Variants in AUTS2 observed in about 807,000 individuals in gnomAD.
AUTS2 encodes activator of transcription and developmental regulator AUTS2.
AUTS2 carries 17 observed loss-of-function variants against 112.4 expected under a neutral mutation model. That is an observed-to-expected ratio of 0.15 (90% CI 0.10 to 0.23). AUTS2 has a LOEUF of 0.23. Ranked by LOEUF, AUTS2 falls within the 10% of genes least tolerant of loss-of-function variation. The pLI is 1.00. For missense variants in AUTS2, 1,510 were observed against 1,701.6 expected (o/e 0.89, Z 1.98); for synonymous variants, 751 against 702.7 (o/e 1.07, Z -1.09).
intron 4 of AUTS2, among the ~76,000 whole-genome samples, chr7:70,382,050 C>T (rs968100510): frequency 3.9e-5 from 6 of 152,132 alleles, no homozygotes. Context: ...ATTTCTGGAA[C>T]AAGTATTCTC....
At chr7:70,163,876 AGG>A (rs1401232710) in intron 4 of AUTS2, among the ~76,000 whole-genome samples, 4 of 152,200 alleles carry the variant, frequency 2.6e-5, no homozygotes, top group Non-Finnish European at 5.9e-5. Flanking sequence ...CCAGATGTGC[AGG>A]GCTAGGCTAA....
chr7:69,638,979 C>T (rs1459577949), intron 1 of AUTS2, among the ~76,000 whole-genome samples: 2 of 152,162 alleles, frequency 1.3e-5, no homozygotes, highest in East Asian at 3.8e-4. Flanking sequence ...ATAATGTCTG[C>T]AGTAAAAGTT....
chr7:69,929,747 G>A (rs1366851833), intron 2 of AUTS2, among the ~76,000 whole-genome samples: 1 of 152,098 alleles, frequency 6.6e-6, no homozygotes, highest in Non-Finnish European at 1.5e-5. Flanking sequence ...TTGAACTTTT[G>A]GAATACAGGT....
intron 2 of AUTS2, among the ~76,000 whole-genome samples, chr7:70,021,375 C>T (rs949775742): frequency 2.6e-5 from 4 of 152,134 alleles, no homozygotes; most frequent in Admixed American, 1.3e-4. Flanking sequence ...TGCCGGTAAT[C>T]CTGTTTTTAG....
intron 1 of AUTS2, among the ~76,000 whole-genome samples, chr7:69,720,327 G>C: frequency 6.6e-6 from 1 of 152,156 alleles, no homozygotes; most frequent in East Asian, 1.9e-4. Context: ...CTTTCAAATT[G>C]GTGGTGGTTA....
At chr7:70,130,794 C>T (rs888915958) in intron 3 of AUTS2, among the ~76,000 whole-genome samples, 1 of 152,090 alleles carries the variant, frequency 6.6e-6, no homozygotes, top group Non-Finnish European at 1.5e-5. Flanking sequence ...TTCCTCATAT[C>T]CCTGTGTTCT....
chr7:70,132,686 T>C (rs1562725163), intron 3 of AUTS2, among the ~76,000 whole-genome samples: 1 of 152,146 alleles, frequency 6.6e-6, no homozygotes, highest in Non-Finnish European at 1.5e-5. Flanking sequence ...GTACAATATA[T>C]ATGCAAAACG....
chr7:69,908,810 G>A (rs572714389), intron 2 of AUTS2, among the ~76,000 whole-genome samples: 3 of 152,232 alleles, frequency 2.0e-5, no homozygotes, highest in Non-Finnish European at 2.9e-5. Flanking sequence ...GCTATAATTA[G>A]ATGGAGAAGC....
intron 5 of AUTS2, among the ~76,000 whole-genome samples, chr7:70,471,542 A>C (rs574867791): frequency 6.6e-6 from 1 of 152,282 alleles, no homozygotes; most frequent in South Asian, 2.1e-4. Flanking sequence ...TTTTTAACAA[A>C]TATTTTTTGT....
intron 4 of AUTS2, among the ~76,000 whole-genome samples, chr7:70,171,143 A>G (rs955152967): frequency 5.9e-5 from 9 of 152,194 alleles, no homozygotes; most frequent in African/African-American, 2.2e-4. Flanking sequence ...CTTAAAACAG[A>G]TAACTGAGCC....
At chr7:70,138,524 A>T (rs527240831) in intron 4 of AUTS2, among the ~76,000 whole-genome samples, 187 of 152,176 alleles carry the variant, frequency 1.2e-3, no homozygotes, top group Non-Finnish European at 2.2e-3. Context: ...CCAGGTTTGA[A>T]TCTAACTGTC....
intron 4 of AUTS2, among the ~76,000 whole-genome samples, chr7:70,225,194 C>T (rs1374118513): frequency 6.6e-6 from 1 of 152,196 alleles, no homozygotes; most frequent in African/African-American, 2.4e-5. Flanking sequence ...AGTTAAATCA[C>T]TGTCCCTTTT....
At chr7:69,911,040 A>G (rs796348537) in intron 2 of AUTS2, among the ~76,000 whole-genome samples, 6 of 152,314 alleles carry the variant, frequency 3.9e-5, no homozygotes, top group African/African-American at 7.2e-5. Context: ...TTCCCATGAC[A>G]TGTGGGAATT....
intron 4 of AUTS2, among the ~76,000 whole-genome samples, chr7:70,432,821 A>G (rs1795731622): frequency 6.6e-6 from 1 of 152,188 alleles, no homozygotes; most frequent in African/African-American, 2.4e-5. Context: ...GCTCCTGCTG[A>G]GCTCACGGCA....
chr7:70,586,563 C>T (rs186867193), intron 5 of AUTS2, among the ~76,000 whole-genome samples: 1 of 152,274 alleles, frequency 6.6e-6, no homozygotes, highest in Admixed American at 6.5e-5. Context: ...ATGACTGAAG[C>T]GTTGCATTGT....
rs187890973 is a variant in AUTS2, at chr7:70,280,221, G to T, written c.660+145650G>T. On this transcript the variant is annotated intron_variant, in intron 4 of 18. Transcript: ENST00000342771. ...GCCCACTCCTCTACTCTCTTCATGA[G>T]CCAGAGTGTTCACTGCTTTAGGAAT... Among the ~76,000 whole-genome samples, 3 of 151,898 alleles carry T rather than the reference G, an allele frequency of 2.0e-5. No homozygotes were observed. The East Asian group carries it at 5.8e-4, about 29-fold the overall frequency.
intron 1 of AUTS2, among the ~76,000 whole-genome samples, chr7:69,708,870 A>G (rs1275303407): frequency 2.0e-5 from 3 of 152,220 alleles, no homozygotes; most frequent in African/African-American, 7.2e-5. Context: ...AACCAGTCCT[A>G]CATTGAGTTT....
At chr7:70,191,936 G>A (rs927785542) in intron 4 of AUTS2, among the ~76,000 whole-genome samples, 5 of 151,800 alleles carry the variant, frequency 3.3e-5, no homozygotes, top group African/African-American at 7.3e-5. Flanking sequence ...GCGTGGTGGT[G>A]GGTGCCTATA....
At chr7:69,711,404 T>A (rs1798320140) in intron 1 of AUTS2, among the ~76,000 whole-genome samples, 1 of 152,162 alleles carries the variant, frequency 6.6e-6, no homozygotes, top group Non-Finnish European at 1.5e-5. Flanking sequence ...TTAAATTTCC[T>A]TTTTTCCAGA....
Sources: allele counts gnomAD v4.1 joint callset (sites outside exome capture counted in the v4.1 genomes callset), GRCh38; gene constraint gnomAD v4.1.1; transcripts MANE v1.5; gene names NCBI Gene and HGNC (gene_info 2026-07-23, HGNC 2026-07-21).